MYO1D: variants seen among roughly 807,000 people sequenced by gnomAD.
MYO1D encodes myosin ID, also known as unconventional myosin-Id.
A neutral mutation model predicts 122.0 loss-of-function variants in MYO1D; 83 were observed. The observed-to-expected ratio is 0.68, with a 90% confidence interval of 0.57 to 0.82. MYO1D has a LOEUF of 0.82. MYO1D is among the 40% of genes least tolerant of loss of function. The probability of loss-of-function intolerance (pLI) is 0.00; values close to 1 mark genes in which losing one functional copy is unlikely to be tolerated. For synonymous variants in MYO1D, 464 were observed against 446.9 expected (o/e 1.04, Z -0.48); for missense variants, 1,157 against 1,269.5 (o/e 0.91, Z 1.35).
At chr17:32,527,753 G>A (rs1597877737) in intron 21 of MYO1D, among the ~76,000 whole-genome samples, 1 of 152,082 alleles carries the variant, frequency 6.6e-6, no homozygotes, top group South Asian at 2.1e-4. Flanking sequence ...AGCTGTGACT[G>A]TGCTACTGCA....
chr17:32,697,630 T>C (rs1409197555), intron 16 of MYO1D, among the ~76,000 whole-genome samples: 1 of 147,756 alleles, frequency 6.8e-6, no homozygotes, highest in Admixed American at 6.8e-5. Flanking sequence ...TCCTGGAGCA[T>C]GTATTTTCAG....
chr17:32,772,654 G>C, intron 5 of MYO1D, 135 bp downstream of exon 5: 2 of 726,510 alleles, frequency 2.8e-6, no homozygotes, highest in Admixed American at 4.0e-5. Flanking sequence ...GCGTGCGTGC[G>C]TGCGTGCATG....
chr17:32,560,528 C>CATATATATATATATAT (rs56214129), intron 21 of MYO1D, among the ~76,000 whole-genome samples: 15 of 65,432 alleles, frequency 2.3e-4, no homozygotes, highest in East Asian at 9.4e-4. Flanking sequence ...CCAGAGACAA[C>CATATATATATATATAT]ATATATATAT....
intron 21 of MYO1D, among the ~76,000 whole-genome samples, chr17:32,560,576 T>TATAA (rs2087114756): frequency 1.8e-5 from 2 of 112,092 alleles, no homozygotes; most frequent in African/African-American, 6.9e-5. Flanking sequence ...TATATATATA[T>TATAA]AACTTTTATA....
intron 21 of MYO1D, among the ~76,000 whole-genome samples, chr17:32,564,695 A>G (rs1313901395): frequency 6.6e-6 from 1 of 152,228 alleles, no homozygotes; most frequent in Non-Finnish European, 1.5e-5. Flanking sequence ...GTGGCAAAGC[A>G]GCAGTGAGCA....
rs1051755293 is a variant in MYO1D at position 32,540,903 on chromosome 17, G to A, written c.2865-45988C>T. 2.0e-5 allele frequency among the ~76,000 whole-genome samples: 3 copies of A among 147,472 alleles called. No homozygotes were observed. The Admixed American group carries it at 2.0e-4, about 10-fold the overall frequency. On this transcript the variant is annotated intron_variant, in intron 21 of 21. Transcript: ENST00000318217. Reference sequence around the variant, plus strand: ...ATTGTGCCACTGCACTCCAGCCTGGGTGACAGAGTGACTTCGTCTCAAAAA... The same window carrying A: ...ATTGTGCCACTGCACTCCAGCCTGGATGACAGAGTGACTTCGTCTCAAAAA...
chr17:32,758,309 C>T (rs2089968350), intron 10 of MYO1D, among the ~76,000 whole-genome samples: 4 of 152,010 alleles, frequency 2.6e-5, no homozygotes, highest in Admixed American at 2.6e-4. Context: ...ACCTATCAAT[C>T]AATCATAATG....
intron 16 of MYO1D, among the ~76,000 whole-genome samples, chr17:32,682,540 G>A (rs1233719243): frequency 6.6e-6 from 1 of 151,532 alleles, no homozygotes; most frequent in Non-Finnish European, 1.5e-5. Flanking sequence ...TGAAATTGCG[G>A]GTTGAAAATT....
rs138434739 is a variant in MYO1D, at chr17:32,857,453, C to T, written c.95+19325G>A. Among the ~76,000 whole-genome samples the T allele has an allele frequency of 9.0e-4, 137 of 152,092 alleles. 3 individuals are homozygous for T. The East Asian group carries it at 0.024, about 26-fold the overall frequency. On this transcript the variant is annotated intron_variant, in intron 1 of 21. Coordinates refer to ENST00000318217, the MANE Select transcript of MYO1D (RefSeq NM_015194.3). ...ACAAAAAATTAGCTGGGCGTGGTGG[C>T]GGGCACCTGTAGTCCCAGCTACTCA...
chr17:32,749,256 G>A (rs1327386388), intron 11 of MYO1D, among the ~76,000 whole-genome samples: 1 of 152,178 alleles, frequency 6.6e-6, no homozygotes, highest in Non-Finnish European at 1.5e-5. Context: ...GACAATGGAG[G>A]TAAAGTGTGG....
At chr17:32,780,513 TTGAG>T (rs1462196286) in intron 2 of MYO1D, 59 bp downstream of exon 2, 54 of 1,511,790 alleles carry the variant, frequency 3.6e-5, no homozygotes, top group Non-Finnish European at 4.9e-5. Flanking sequence ...GTTTGGATTC[TTGAG>T]TATCAAACAA....
intron 20 of MYO1D, among the ~76,000 whole-genome samples, chr17:32,609,691 A>G (rs183561783): frequency 6.6e-6 from 1 of 152,340 alleles, no homozygotes; most frequent in Admixed American, 6.5e-5. Context: ...TATATTCTAT[A>G]AATAAGTATT....
intron 16 of MYO1D, among the ~76,000 whole-genome samples, chr17:32,664,710 CAG>C (rs1361532842): frequency 6.6e-6 from 1 of 152,148 alleles, no homozygotes; most frequent in Non-Finnish European, 1.5e-5. Context: ...CAGCGGCAAA[CAG>C]AGAGGCCTGC....
intron 21 of MYO1D, among the ~76,000 whole-genome samples, chr17:32,547,483 T>C (rs1160322553): frequency 2.6e-5 from 4 of 152,258 alleles, no homozygotes; most frequent in African/African-American, 4.8e-5. Context: ...GTCATTAACA[T>C]GTCACACTTC....
chr17:32,578,061 C>A (rs373772471), intron 21 of MYO1D, among the ~76,000 whole-genome samples: 3 of 152,148 alleles, frequency 2.0e-5, no homozygotes, highest in Non-Finnish European at 4.4e-5. Context: ...TTCAAAGAGA[C>A]CTTAGAGGTA....
At chr17:32,621,783 G>A (rs541765235) in intron 20 of MYO1D, among the ~76,000 whole-genome samples, 16 of 152,282 alleles carry the variant, frequency 1.1e-4, no homozygotes, top group African/African-American at 3.6e-4. Context: ...GCCTATGGGA[G>A]GTAATTAGGT....
At chr17:32,834,717 T>C (rs1389544015) in intron 1 of MYO1D, among the ~76,000 whole-genome samples, 2 of 152,172 alleles carry the variant, frequency 1.3e-5, no homozygotes, top group African/African-American at 2.4e-5. Context: ...CTGTTCCTTT[T>C]CTTAAACATT....
intron 19 of MYO1D, among the ~76,000 whole-genome samples, chr17:32,644,509 T>C (rs567339004): frequency 1.8e-4 from 28 of 152,296 alleles, no homozygotes; most frequent in African/African-American, 4.8e-4. Context: ...GTGTTGACAG[T>C]GGGGTGTTAA....
intron 21 of MYO1D, among the ~76,000 whole-genome samples, chr17:32,501,995 G>A (rs372034669): frequency 3.9e-5 from 6 of 152,114 alleles, no homozygotes; most frequent in African/African-American, 1.2e-4. Context: ...AGATGATGTC[G>A]GAATTGAATC....
Sources: allele counts gnomAD v4.1 joint callset (sites outside exome capture counted in the v4.1 genomes callset), GRCh38; gene constraint gnomAD v4.1.1; transcripts MANE v1.5; gene names NCBI Gene and HGNC (gene_info 2026-07-23, HGNC 2026-07-21).